SMARCA2: variants seen among roughly 807,000 people sequenced by gnomAD.
SMARCA2 encodes SWI/SNF related BAF chromatin remodeling complex subunit ATPase 2.
Under a neutral mutation model 199.8 loss-of-function variants are expected in SMARCA2, and 61 were observed. The observed-to-expected ratio is 0.31, with a 90% CI of 0.25 to 0.38. SMARCA2 has a LOEUF of 0.38. SMARCA2 is among the 10% of genes least tolerant of loss of function. SMARCA2 has a pLI of 1.00. For synonymous variants in SMARCA2, 935 were observed against 732.0 expected, an observed-to-expected ratio of 1.28 and a Z score of -4.48; for missense variants, 1,344 against 2,012.2, an observed-to-expected ratio of 0.67 and a Z score of 6.35.
At chr9:2,124,245 T>C (rs924751337) in intron 27 of SMARCA2, among the ~76,000 whole-genome samples, 7 of 152,254 alleles carry the variant, frequency 4.6e-5, no homozygotes, top group African/African-American at 1.7e-4. Flanking sequence ...TAATGTTTTA[T>C]GACCAATTGC....
At chr9:2,141,752 T>C (rs1824469656) in intron 27 of SMARCA2, among the ~76,000 whole-genome samples, 3 of 152,072 alleles carry the variant, frequency 2.0e-5, no homozygotes, top group Admixed American at 6.5e-5. Flanking sequence ...TGCATAGATG[T>C]GCCTCTTCAA....
Position 2,054,828 on chromosome 9 carries a change from A to C in SMARCA2, c.1173+105A>C, listed in dbSNP as rs749932495. On this transcript the variant is annotated intron_variant, in intron 6 of 33. Transcript: ENST00000349721. ...GTCTATTCAATATTGTTACAAAGAT[A>C]TAAAGATATAAATATAGTAAAATAG... The C allele has an allele frequency of 3.5e-6, 4 of 1,157,734 alleles. No individual in the cohort carries two copies. In the East Asian group the frequency reaches 1.0e-4, roughly 30 times the overall value. 71.7% of individuals were successfully genotyped at this position (1,157,734 alleles called of 1,614,324 possible).
rs1389063250 is a variant in SMARCA2 at position 2,070,457 on chromosome 9, GGACCGGATGGAGAGGTA to G, written c.1733_1746+3del. 6.2e-7 allele frequency: 1 copy of G among 1,613,446 alleles called. No homozygotes were observed. Among genetic ancestry groups the G allele is most frequent in the African/African-American group, 1.3e-5 (1 of 74,886 alleles). On this transcript the variant is annotated splice_donor_variant and splice_donor_region_variant and coding_sequence_variant and intron_variant, in exon 10 of 34. Coordinates refer to ENST00000349721, the MANE Select transcript of SMARCA2 (RefSeq NM_003070.5). LOFTEE classifies it high-confidence loss of function. Reference sequence around the variant, plus strand: ...TGCAGAGGGTGGGGAGTCTGCCCTGGGACCGGATGGAGAGGTAAGGGATCGTCATCCTTTCCACTGTG... The same window carrying G: ...TGCAGAGGGTGGGGAGTCTGCCCTGGAGGGATCGTCATCCTTTCCACTGTG...
intron 27 of SMARCA2, among the ~76,000 whole-genome samples, chr9:2,136,559 A>G (rs1366125104): frequency 6.6e-6 from 1 of 152,136 alleles, no homozygotes; most frequent in Non-Finnish European, 1.5e-5. Context: ...AGCAAATTCA[A>G]TTCAACATCC....
chr9:2,070,998 G>A (rs1447429162), intron 10 of SMARCA2, among the ~76,000 whole-genome samples: 4 of 152,168 alleles, frequency 2.6e-5, no homozygotes, highest in Non-Finnish European at 1.5e-5. Flanking sequence ...GTATTCTCCT[G>A]AATTATGAGG....
At chr9:2,036,923 G>C (rs1819360739) in intron 3 of SMARCA2, among the ~76,000 whole-genome samples, 1 of 152,052 alleles carries the variant, frequency 6.6e-6, no homozygotes, top group Admixed American at 6.5e-5. Context: ...CTAATATTTT[G>C]GTTCATTGTA....
intron 7 of SMARCA2, among the ~76,000 whole-genome samples, chr9:2,057,244 AAACTGTT>A (rs1820394809): frequency 6.6e-6 from 1 of 152,198 alleles, no homozygotes; most frequent in South Asian, 2.1e-4. Flanking sequence ...TCTGGGTTGC[AAACTGTT>A]AACTTCTCCT....
intron 29 of SMARCA2, among the ~76,000 whole-genome samples, chr9:2,174,686 C>T (rs918248633): frequency 7.9e-5 from 12 of 152,028 alleles, no homozygotes; most frequent in African/African-American, 2.7e-4. Flanking sequence ...TTTGGGAGGC[C>T]GAGGCAAGCG....
At chr9:2,099,840 T>C (rs1822432757) in intron 21 of SMARCA2, among the ~76,000 whole-genome samples, 1 of 152,180 alleles carries the variant, frequency 6.6e-6, no homozygotes, top group African/African-American at 2.4e-5. Context: ...ATTTTTAACA[T>C]GATGCTGTTA....
At chr9:2,061,135 G>C (rs559682537) in intron 9 of SMARCA2, 149 bp downstream of exon 9, 7 of 722,244 alleles carry the variant, frequency 9.7e-6, no homozygotes, top group African/African-American at 5.3e-5. Context: ...GGTATGGCAT[G>C]GAAGTGTTGA....
At chr9:2,069,331 C>T (rs112045886) in intron 9 of SMARCA2, among the ~76,000 whole-genome samples, 2,495 of 151,312 alleles carry the variant, frequency 0.016, 74 homozygotes, top group African/African-American at 0.057. Context: ...CCGAGGCAGG[C>T]GGATCACGAG....
chr9:2,183,491 C>A (rs1322160207), intron 31 of SMARCA2, among the ~76,000 whole-genome samples: 3 of 152,140 alleles, frequency 2.0e-5, no homozygotes, highest in South Asian at 2.1e-4. Flanking sequence ...GTATCTCTGG[C>A]CTGATGCCTT....
chr9:2,093,447 A>G (rs1460435392), intron 19 of SMARCA2, among the ~76,000 whole-genome samples: 1 of 152,036 alleles, frequency 6.6e-6, no homozygotes, highest in Non-Finnish European at 1.5e-5. Flanking sequence ...TGTGTAGGTT[A>G]TCCCAGGGGA....
chr9:2,093,851 C>G (rs1267770848), intron 19 of SMARCA2, among the ~76,000 whole-genome samples: 1 of 152,100 alleles, frequency 6.6e-6, no homozygotes, highest in Admixed American at 6.5e-5. Context: ...TGACCTGTGC[C>G]CTGAAAGTAA....
chr9:2,164,377 G>T (rs1214643039), intron 28 of SMARCA2, among the ~76,000 whole-genome samples: 3 of 152,160 alleles, frequency 2.0e-5, no homozygotes, highest in Non-Finnish European at 4.4e-5. Flanking sequence ...TTTGAATCCT[G>T]ACTCTGACAT....
chr9:2,138,732 T>C (rs775822569), intron 27 of SMARCA2, among the ~76,000 whole-genome samples: 4 of 152,144 alleles, frequency 2.6e-5, no homozygotes, highest in African/African-American at 9.7e-5. Flanking sequence ...TGTCTCTACA[T>C]TGGAGTCATG....
chr9:2,163,187 G>A (rs1254714009), intron 28 of SMARCA2, among the ~76,000 whole-genome samples: 1 of 152,232 alleles, frequency 6.6e-6, no homozygotes, highest in Admixed American at 6.5e-5. Flanking sequence ...AATGGGGAAA[G>A]AGGAGTAGGT....
rs181028891 is a variant in SMARCA2, at chr9:2,154,258, C to T, written c.3982-7428C>T. 1.4e-4 allele frequency among the ~76,000 whole-genome samples: 22 copies of T among 152,254 alleles called. No individual in the cohort carries two copies. In the South Asian group the frequency reaches 1.5e-3, roughly 10 times the overall value. The stretch of plus-strand genomic sequence containing the variant: ...ACAGCAAACGTGTTAGCCAATGTTG[C>T]TGCTGCTGCTGGCAGGGACAATGGT... On this transcript the variant is annotated intron_variant, in intron 27 of 33. Coordinates refer to ENST00000349721, the MANE Select transcript of SMARCA2 (RefSeq NM_003070.5).
chr9:2,056,475 C>G lies in SMARCA2; in HGVS notation c.1174-197C>G, dbSNP rs55860513. ...ATTTGAATTATTTGGGGAGAAAAAT[C>G]TTGTACCGTTCTTGAAAATATTGCA... On this transcript the variant is annotated intron_variant, in intron 6 of 33. Transcript: ENST00000349721. The surrounding 1 kb of genome is among the most constrained non-coding windows in gnomAD (Gnocchi z 4.0). Among the ~76,000 whole-genome samples the G allele has an allele frequency of 0.012, 1,864 of 152,288 alleles. 34 individuals carry two copies. The highest frequency in any genetic ancestry group is 0.042 in the African/African-American group (1,753 of 41,536).
Sources: gnomAD v4.1 joint callset for allele counts (sites outside exome capture counted in the v4.1 genomes callset) on GRCh38, gnomAD v4.1.1 for gene constraint, Gnocchi (gnomAD v3.1) non-coding constraint, MANE v1.5 for transcripts, NCBI Gene and HGNC (gene_info 2026-07-23, HGNC 2026-07-21) for gene names.